CASP6: variants seen among roughly 807,000 people sequenced by gnomAD.
CASP6 encodes caspase-6.
CASP6 carries 20 observed loss-of-function variants against 31.8 expected under a neutral mutation model. The ratio of observed to expected loss-of-function variants is 0.63; its 90% confidence interval spans 0.44 to 0.91. The LOEUF (loss-of-function observed/expected upper bound fraction) is 0.91, where lower values mean the gene tolerates loss of function less well. Ranked by LOEUF, CASP6 falls within the 40% of genes least tolerant of loss-of-function variation. The pLI is 0.00. For synonymous variants in CASP6, 130 were observed against 127.8 expected (o/e 1.02, Z -0.12); for missense variants, 328 against 361.1 (o/e 0.91, Z 0.74).
intron 5 of CASP6, among the ~76,000 whole-genome samples, chr4:109,694,019 C>G (rs2126157828): frequency 6.6e-6 from 1 of 152,176 alleles, no homozygotes; most frequent in East Asian, 1.9e-4. Context: ...CAGGTGTGAG[C>G]CATCACGCCT....
the CASP6 span, chr4:109,682,972 G>T: frequency 9.9e-6 from 4 of 405,060 alleles, no homozygotes; most frequent in Non-Finnish European, 1.8e-5. Context: ...AGCTCACGTG[G>T]CCTGTGTTCA....
chr4:109,703,530 T>A, upstream of CASP6: 1 of 1,145,336 alleles, frequency 8.7e-7, no homozygotes, highest in East Asian at 2.7e-5. Context: ...TGGTTCTGAT[T>A]GCGCGCCGCC....
chr4:109,678,398 G>GAT, the CASP6 span, among the ~76,000 whole-genome samples: 1 of 150,384 alleles, frequency 6.6e-6, no homozygotes, highest in Middle Eastern at 3.5e-3. Context: ...CTTCCCACAC[G>GAT]GGGCGGCCAG....
intron 3 of CASP6, among the ~76,000 whole-genome samples, chr4:109,696,826 C>A (rs2126159343): frequency 6.8e-6 from 1 of 147,784 alleles, no homozygotes; most frequent in Admixed American, 6.8e-5. Flanking sequence ...CACTCTGTCG[C>A]CCAGGCTGGA....
intron 1 of CASP6, among the ~76,000 whole-genome samples, chr4:109,698,697 A>G (rs1161054054): frequency 6.6e-6 from 1 of 151,658 alleles, no homozygotes; most frequent in Admixed American, 6.5e-5. Flanking sequence ...ATGTTTTTGC[A>G]CATTTTCTGA....
chr4:109,704,606 A>G (rs1730541859), upstream of CASP6, among the ~76,000 whole-genome samples: 1 of 152,270 alleles, frequency 6.6e-6, no homozygotes, highest in South Asian at 2.1e-4. Flanking sequence ...GAAAGAAACT[A>G]TCTTCATGAC....
At chr4:109,680,941 A>G in the CASP6 span, among the ~76,000 whole-genome samples, 1 of 152,316 alleles carries the variant, frequency 6.6e-6, no homozygotes, top group South Asian at 2.1e-4. Flanking sequence ...GCCTAATTTT[A>G]TATGGACTTA....
At chr4:109,679,866 A>T in the CASP6 span, among the ~76,000 whole-genome samples, 1 of 151,990 alleles carries the variant, frequency 6.6e-6, no homozygotes, top group Non-Finnish European at 1.5e-5. Flanking sequence ...CAGTGGTGCA[A>T]TCTCGGCTCA....
the CASP6 span, among the ~76,000 whole-genome samples, chr4:109,665,099 T>C: frequency 6.6e-6 from 1 of 152,222 alleles, no homozygotes; most frequent in African/African-American, 2.4e-5. Flanking sequence ...GTGAACACAC[T>C]GACACATCAT....
intron 1 of CASP6, among the ~76,000 whole-genome samples, chr4:109,703,038 G>A (rs1241797773): frequency 6.6e-6 from 1 of 152,152 alleles, no homozygotes. Flanking sequence ...GGTTTAAACA[G>A]CCGGGGCGCC....
intron 1 of CASP6, among the ~76,000 whole-genome samples, chr4:109,701,045 G>A (rs147798726): frequency 1.3e-5 from 2 of 151,910 alleles, no homozygotes; most frequent in African/African-American, 2.4e-5. Flanking sequence ...CACAACCTCC[G>A]CCTCCGGGTT....
chr4:109,685,314 C>T (rs764012545), downstream of CASP6: 3 of 1,592,430 alleles, frequency 1.9e-6, no homozygotes, highest in Non-Finnish European at 2.6e-6. Context: ...GAAATCAAAG[C>T]AACAGCACTT....
downstream of CASP6, chr4:109,684,916 A>AC: frequency 2.6e-6 from 1 of 383,288 alleles, no homozygotes; most frequent in Non-Finnish European, 4.6e-6. Flanking sequence ...TTTATAAAAA[A>AC]AACTGAATTT....
Position 109,703,438 on chromosome 4 carries a change from G to A in CASP6, c.-43C>T. 7 of 1,602,960 alleles carry A rather than the reference G, an allele frequency of 4.4e-6. No individual in the cohort carries two copies. The highest frequency in any genetic ancestry group is 5.1e-6 in the Non-Finnish European group (6 of 1,175,344). On this transcript the variant is annotated 5_prime_UTR_variant, in exon 1 of 7. Transcript: ENST00000265164. Reference sequence around the variant, plus strand: ...CCAGACACCTTGCCCTCCTCTTCCTGAAGCCACAGGCTCCCGGGCCCGGCC... The same window carrying A: ...CCAGACACCTTGCCCTCCTCTTCCTAAAGCCACAGGCTCCCGGGCCCGGCC...
intron 2 of CASP6, 117 bp from the exon 3 acceptor site, chr4:109,697,885 T>A: frequency 4.5e-6 from 5 of 1,122,854 alleles, no homozygotes; most frequent in Non-Finnish European, 6.3e-6. Flanking sequence ...AGGCTGATGT[T>A]CCATGGGTGT....
chr4:109,681,797 G>A, the CASP6 span, among the ~76,000 whole-genome samples: 4 of 152,308 alleles, frequency 2.6e-5, no homozygotes, highest in Admixed American at 6.5e-5. Flanking sequence ...AGTCTGCTAC[G>A]GCGGCAAAAC....
chr4:109,671,041 T>G, the CASP6 span, among the ~76,000 whole-genome samples: 3 of 152,210 alleles, frequency 2.0e-5, no homozygotes, highest in Non-Finnish European at 4.4e-5. Flanking sequence ...ATTGTCTGTA[T>G]TTATCTATCT....
chr4:109,700,149 G>A (rs1260072055), intron 1 of CASP6, among the ~76,000 whole-genome samples: 1 of 152,200 alleles, frequency 6.6e-6, no homozygotes, highest in Non-Finnish European at 1.5e-5. Context: ...ATCCCTCAGG[G>A]TGAAAACACT....
At chr4:109,680,931 G>A in the CASP6 span, among the ~76,000 whole-genome samples, 1 of 152,170 alleles carries the variant, frequency 6.6e-6, no homozygotes, top group South Asian at 2.1e-4. Flanking sequence ...TCATAGCAGA[G>A]CCTAATTTTA....
Sources: allele counts gnomAD v4.1 joint callset (sites outside exome capture counted in the v4.1 genomes callset), GRCh38; gene constraint gnomAD v4.1.1; transcripts MANE v1.5; gene names NCBI Gene and HGNC (gene_info 2026-07-23, HGNC 2026-07-21).